The following SEZ6L2 variants were observed in gnomAD, a reference collection of about 807,000 sequenced individuals.
SEZ6L2 encodes the protein seizure related 6 homolog like 2.
A neutral mutation model predicts 97.0 loss-of-function variants in SEZ6L2; 44 were observed. That is an observed-to-expected ratio of 0.45 (90% CI 0.36 to 0.58). SEZ6L2 has a LOEUF of 0.58. Ranked by LOEUF, SEZ6L2 falls within the 20% of genes least tolerant of loss-of-function variation. The pLI is 0.00. For missense variants in SEZ6L2, 1,086 were observed against 1,233.3 expected (o/e 0.88, Z 1.79); for synonymous variants, 543 against 546.1 (o/e 0.99, Z 0.08).
chr16:29,887,946 G>A (rs2068184031), intron 6 of SEZ6L2, 129 bp from the exon 7 acceptor site: 1 of 948,162 alleles, frequency 1.1e-6, no homozygotes. Flanking sequence ...GCTGGCCTCT[G>A]TCCCATGGAG....
At chr16:29,893,216 C>T (rs2068308716) in intron 5 of SEZ6L2, among the ~76,000 whole-genome samples, 1 of 151,664 alleles carries the variant, frequency 6.6e-6, no homozygotes. Flanking sequence ...CCCAGCTACT[C>T]AGGAGGCTGA....
At chr16:29,879,527 G>T (rs1285423110) in intron 9 of SEZ6L2, among the ~76,000 whole-genome samples, 1 of 152,076 alleles carries the variant, frequency 6.6e-6, no homozygotes, top group Non-Finnish European at 1.5e-5. Context: ...GCCCAGCCAT[G>T]ATCTACCTGT....
chr16:29,897,715 C>T, intron 2 of SEZ6L2, 138 bp downstream of exon 2: 1 of 1,066,932 alleles, frequency 9.4e-7, no homozygotes, highest in Non-Finnish European at 1.3e-6. Flanking sequence ...TTCTGTGTTC[C>T]CTGAATCTCA....
chr16:29,898,921 C>A lies in SEZ6L2; in HGVS notation c.79+20G>T. On this transcript the variant is annotated intron_variant, in intron 1 of 17. Transcript: ENST00000617533. ...CTGGACGCCTTCCTGGGGCCCACCC[C>A]CACAGTCTCATGTCCTTACCCTGGA... 1 of 1,603,302 alleles carries A rather than the reference C, an allele frequency of 6.2e-7. No individual in the cohort carries two copies. The highest frequency in any genetic ancestry group is 1.1e-5 in the South Asian group (1 of 90,476).
chr16:29,892,279 C>T (rs1437386653), intron 5 of SEZ6L2, among the ~76,000 whole-genome samples: 1 of 152,218 alleles, frequency 6.6e-6, no homozygotes, highest in Non-Finnish European at 1.5e-5. Context: ...AGTGCAGCTG[C>T]GAAGCAGGGA....
Position 29,875,882 on chromosome 16 carries a change from G to A in SEZ6L2, c.2104+874C>T, listed in dbSNP as rs140911144. The stretch of plus-strand genomic sequence containing the variant: ...TCACCATGTTGGCCAGGCTGGTCTC[G>A]AACTCCAGACCTCAGGTGATCCACC... On this transcript the variant is annotated intron_variant, in intron 12 of 17. Coordinates refer to ENST00000617533, the MANE Select transcript of SEZ6L2 (RefSeq NM_001243332.2). Among the ~76,000 whole-genome samples the A allele has an allele frequency of 0.014, 2,155 of 151,654 alleles. 234 individuals carry two copies. The East Asian group carries it at 0.28, about 20-fold the overall frequency.
chr16:29,881,547 C>T (rs2068029258), intron 8 of SEZ6L2, among the ~76,000 whole-genome samples: 1 of 151,788 alleles, frequency 6.6e-6, no homozygotes, highest in South Asian at 2.1e-4. Context: ...AGTTTCTGCC[C>T]ACCTGATCGG....
chr16:29,898,831 C>T, intron 1 of SEZ6L2, 110 bp downstream of exon 1: 1 of 838,664 alleles, frequency 1.2e-6, no homozygotes, highest in African/African-American at 1.7e-5. Context: ...TCAGCTGTGC[C>T]TCTCCCCTCC....
chr16:29,877,238 C>A, intron 11 of SEZ6L2, 33 bp downstream of exon 11: 1 of 1,513,838 alleles, frequency 6.6e-7, no homozygotes, highest in Non-Finnish European at 8.9e-7. Context: ...CCTGCCCGAC[C>A]CCTGCCCATC....
intron 9 of SEZ6L2, among the ~76,000 whole-genome samples, chr16:29,879,485 A>G (rs995350957): frequency 1.6e-4 from 25 of 152,036 alleles, no homozygotes; most frequent in Non-Finnish European, 3.4e-4. Context: ...TCAGCCTCCC[A>G]TAGTGCTGGT....
intron 7 of SEZ6L2, 55 bp downstream of exon 7, chr16:29,887,594 G>A: frequency 1.3e-6 from 2 of 1,498,394 alleles, no homozygotes; most frequent in South Asian, 1.3e-5. Context: ...TTACAGGCAT[G>A]AGCCACCATG....
At chr16:29,879,817 G>T in intron 9 of SEZ6L2, 47 bp downstream of exon 9, 1 of 1,509,990 alleles carries the variant, frequency 6.6e-7, no homozygotes. Flanking sequence ...CCCCAGTTCA[G>T]GGGGCAACGT....
chr16:29,891,188 C>T (rs1025049291), intron 5 of SEZ6L2, among the ~76,000 whole-genome samples: 6 of 152,042 alleles, frequency 3.9e-5, no homozygotes, highest in Admixed American at 3.9e-4. Flanking sequence ...GATCTGCCCG[C>T]CTCGGCCTCC....
chr16:29,878,478 T>C (rs939045955), intron 9 of SEZ6L2, 53 bp from the exon 10 acceptor site: 3 of 1,529,790 alleles, frequency 2.0e-6, no homozygotes, highest in Non-Finnish European at 2.7e-6. Flanking sequence ...GCTGTCTTCA[T>C]TTCTCCACAG....
rs1464895430 is a variant in SEZ6L2 at position 29,887,787 on chromosome 16, G to A, written c.1070C>T (p.Thr357Ile). Reference protein sequence around the residue: ...ASCGGTIHNATLGRIVSPEPG... With the variant: ...ASCGGTIHNAILGRIVSPEPG... ...CTCTGGGGACACGATGCGGCCCAGG[G>A]TGGCATTGTGGATGGTGCCACCACA... The change falls in exon 7 of 18, where the codon ACC becomes ATC. Residue 357 changes from threonine (T) to isoleucine (I), a missense_variant. Coordinates refer to ENST00000617533, the MANE Select transcript of SEZ6L2 (RefSeq NM_001243332.2). The A allele has an allele frequency of 6.2e-7, 1 of 1,613,820 alleles. No homozygotes were observed. Among genetic ancestry groups the A allele is most frequent in the Non-Finnish European group, 8.5e-7 (1 of 1,179,974 alleles).
chr16:29,888,490 C>T (rs181011023), intron 6 of SEZ6L2, 50 bp downstream of exon 6: 165 of 1,584,536 alleles, frequency 1.0e-4, no homozygotes, highest in Non-Finnish European at 1.2e-4. Context: ...AGGACCCTCC[C>T]AATGGGGTTC....
At chr16:29,885,454 G>T in intron 8 of SEZ6L2, 132 bp downstream of exon 8, 8 of 956,436 alleles carry the variant, frequency 8.4e-6, no homozygotes, top group Non-Finnish European at 1.1e-5. Context: ...TTGGGGCAGG[G>T]AAGCGAGTCA....
intron 3 of SEZ6L2, among the ~76,000 whole-genome samples, chr16:29,896,352 T>A (rs926088407): frequency 1.2e-4 from 19 of 152,158 alleles, no homozygotes; most frequent in Admixed American, 1.2e-3. Context: ...GGATCTCAGC[T>A]CACCACAACC....
intron 9 of SEZ6L2, 147 bp from the exon 10 acceptor site, chr16:29,878,572 TTTTA>T (rs1299090006): frequency 2.1e-5 from 12 of 572,538 alleles, no homozygotes; most frequent in African/African-American, 1.2e-4. Context: ...TATTCTTTTA[TTTTA>T]TTTATTTATT....
Sources: allele counts gnomAD v4.1 joint callset (sites outside exome capture counted in the v4.1 genomes callset), GRCh38; gene constraint gnomAD v4.1.1; transcripts MANE v1.5; gene names NCBI Gene and HGNC (gene_info 2026-07-23, HGNC 2026-07-21).